SPRED1: variants seen among roughly 807,000 people sequenced by gnomAD.
SPRED1 encodes the protein sprouty related EVH1 domain containing 1.
SPRED1 carries 18 observed loss-of-function variants against 52.3 expected under a neutral mutation model. The observed-to-expected ratio is 0.34, with a 90% CI of 0.24 to 0.51. The LOEUF (loss-of-function observed/expected upper bound fraction) is 0.51. SPRED1 is among the 20% of genes least tolerant of loss of function. The pLI, the probability that SPRED1 is intolerant of heterozygous loss-of-function variation, is 0.97. For missense variants in SPRED1, 485 were observed against 551.0 expected (o/e 0.88, Z 1.20); for synonymous variants, 155 against 179.7 (o/e 0.86, Z 1.10).
Position 38,322,398 on chromosome 15 carries a change from A to G in SPRED1, c.365A>G (p.Asp122Gly). ...AGAGGTATCCGAAGAGCTATAGAGG[A>G]TATTTCTCAAGGTAGGTATTCTTGA... ...FDRGIRRAIE[D>G]ISQGCPESKN... is the part of the protein sequence containing the mutation. Residue 122 changes from aspartate to glycine, a missense_variant, in exon 3 of 7, where the codon GAT becomes GGT. Asp to Gly is a moderately conservative substitution (Grantham distance 94). This residue lies in a region of SPRED1 where 232 missense variants were observed against 231.8 expected (regional missense o/e 1.00). Coordinates refer to ENST00000299084, the MANE Select transcript of SPRED1 (RefSeq NM_152594.3). The G allele has an allele frequency of 1.2e-6, 2 of 1,613,688 alleles. No homozygotes were observed. The highest frequency in any genetic ancestry group is 1.1e-5 in the South Asian group (1 of 91,074).
At chr15:38,302,911 C>G (rs1023796389) in intron 2 of SPRED1, among the ~76,000 whole-genome samples, 2 of 152,214 alleles carry the variant, frequency 1.3e-5, no homozygotes, top group African/African-American at 4.8e-5. Context: ...TACCTGTAAT[C>G]TCAGCACTTT....
At chr15:38,313,612 CATTAT>C (rs978813440) in intron 2 of SPRED1, among the ~76,000 whole-genome samples, 105 of 151,282 alleles carry the variant, frequency 6.9e-4, no homozygotes, top group African/African-American at 2.4e-3. Flanking sequence ...TTATCCGTTA[CATTAT>C]ATTATATTAT....
chr15:38,290,206 T>C (rs1269261603), intron 1 of SPRED1, among the ~76,000 whole-genome samples: 1 of 152,238 alleles, frequency 6.6e-6, no homozygotes, highest in African/African-American at 2.4e-5. Context: ...ATACTTTTTA[T>C]AGTTCTCTTC....
intron 1 of SPRED1, among the ~76,000 whole-genome samples, chr15:38,278,495 A>G (rs1894608900): frequency 6.6e-6 from 1 of 152,212 alleles, no homozygotes; most frequent in Non-Finnish European, 1.5e-5. Context: ...CCTCCAAAAA[A>G]GAAAGAAATT....
chr15:38,311,079 G>T (rs1056657435), intron 2 of SPRED1, among the ~76,000 whole-genome samples: 2 of 152,094 alleles, frequency 1.3e-5, no homozygotes, highest in Non-Finnish European at 2.9e-5. Flanking sequence ...GTTGGCTGGG[G>T]TTTCTTGCAG....
chr15:38,290,975 A>T lies in SPRED1; in HGVS notation c.33-8398A>T, dbSNP rs557484662. ...CCCCAGAGTCTTAACGCGTTTTACC[A>T]TTAACCCAAAAGTCCAGAGTCCAAA... On this transcript the variant is annotated intron_variant, in intron 1 of 6. Coordinates refer to ENST00000299084, the MANE Select transcript of SPRED1 (RefSeq NM_152594.3). Among the ~76,000 whole-genome samples the T allele has an allele frequency of 8.5e-5, 13 of 152,272 alleles. 1 individual carries two copies. In the South Asian group the frequency reaches 2.7e-3, roughly 32 times the overall value.
At chr15:38,327,226 CTT>C (rs2140998434) in intron 4 of SPRED1, among the ~76,000 whole-genome samples, 1 of 152,236 alleles carries the variant, frequency 6.6e-6, no homozygotes, top group South Asian at 2.1e-4. Context: ...AAAGATGAGA[CTT>C]TTAGGGAGTC....
chr15:38,351,788 G>C lies in SPRED1; in HGVS notation c.*124G>C. The stretch of plus-strand genomic sequence containing the variant: ...GGTATCATTGAGCCCACACATGGAG[G>C]AAGCAGAACTCATCAGTTCTTGGCG... On this transcript the variant is annotated 3_prime_UTR_variant, in exon 7 of 7. Coordinates refer to ENST00000299084, the MANE Select transcript of SPRED1 (RefSeq NM_152594.3). The C allele has an allele frequency of 8.4e-7, 1 of 1,191,664 alleles. No individual in the cohort carries two copies. The highest frequency in any genetic ancestry group is 1.2e-6 in the Non-Finnish European group (1 of 837,362). The allele number at this position is 1,191,664 out of a possible 1,614,324, so 73.8% of individuals were successfully genotyped here.
intron 5 of SPRED1, 72 bp downstream of exon 5, chr15:38,339,967 C>T: frequency 3.2e-6 from 5 of 1,575,712 alleles, no homozygotes; most frequent in East Asian, 2.3e-5. Flanking sequence ...TAGATAAGGA[C>T]GTTAAAACCA....
intron 5 of SPRED1, among the ~76,000 whole-genome samples, chr15:38,345,409 A>G (rs1896114409): frequency 1.3e-5 from 2 of 152,208 alleles, no homozygotes; most frequent in African/African-American, 2.4e-5. Context: ...AATTGCATTC[A>G]ACTGGGGTAA....
intron 2 of SPRED1, among the ~76,000 whole-genome samples, chr15:38,319,597 T>G (rs1248740991): frequency 1.3e-5 from 2 of 152,154 alleles, no homozygotes; most frequent in Non-Finnish European, 2.9e-5. Flanking sequence ...AGGATGGTCT[T>G]GAACTCCTGA....
intron 1 of SPRED1, among the ~76,000 whole-genome samples, chr15:38,279,297 TA>T (rs1054889640): frequency 2.2e-4 from 34 of 152,242 alleles, no homozygotes; most frequent in African/African-American, 8.0e-4. Flanking sequence ...TGTTGTACTT[TA>T]AATATGGTTG....
chr15:38,351,371 G>A lies in SPRED1; in HGVS notation c.1042G>A (p.Val348Ile), dbSNP rs987528002. Residue 348 changes from valine to isoleucine, a missense_variant, in exon 7 of 7, where the codon GTT becomes ATT. Physicochemically the swap from Val to Ile is conservative, Grantham distance 29. This residue lies in a region of SPRED1 where 205 missense variants were observed against 245.2 expected (regional missense o/e 0.84). Transcript: ENST00000299084. ...GGAAAGGTTTAATCATGAAGAAAAT[G>A]TTAGGGGAAAATGTCAGGATGCTCC... is the stretch of plus-strand genomic sequence containing the variant. The part of the protein sequence containing the change: ...CQERFNHEEN[V>I]RGKCQDAPDP... 1.2e-6 allele frequency: 2 copies of A among 1,614,110 alleles called. No homozygotes were observed. Among genetic ancestry groups the A allele is most frequent in the East Asian group, 2.2e-5 (1 of 44,882 alleles).
rs1246021789 is a variant in SPRED1, at chr15:38,356,574, TTTAAAC to T, written c.*4912_*4917del. 5.3e-5 allele frequency: 8 copies of T among 152,114 alleles called. No homozygotes were observed. The highest frequency in any genetic ancestry group is 8.8e-5 in the Non-Finnish European group (6 of 67,950). 9.4% of individuals were successfully genotyped at this position (152,114 alleles called of 1,614,324 possible). On this transcript the variant is annotated 3_prime_UTR_variant, in exon 7 of 7. Transcript: ENST00000299084. ...TAGCTCTGTTCTTTAAAAGTATACT[TTTAAAC>T]TGAAAGTTCACATATAGTTCATCTT...
In SPRED1 at chr15:38,353,877, C is replaced by T. The variant is rs542935372; in HGVS notation, c.*2213C>T. The T allele has an allele frequency of 6.6e-6, 1 of 152,652 alleles. No individual in the cohort carries two copies. Among genetic ancestry groups the T allele is most frequent in the African/African-American group, 2.4e-5 (1 of 41,560 alleles). 9.5% of individuals were successfully genotyped at this position (152,652 alleles called of 1,614,324 possible). On this transcript the variant is annotated 3_prime_UTR_variant, in exon 7 of 7. Coordinates refer to ENST00000299084, the MANE Select transcript of SPRED1 (RefSeq NM_152594.3). ...TTAAGCACTAATCAGTATAGTGCAA[C>T]TCCTGGTTCTGTACTGTATTTTATA...
At chr15:38,310,229 C>T (rs182199526) in intron 2 of SPRED1, among the ~76,000 whole-genome samples, 1 of 151,886 alleles carries the variant, frequency 6.6e-6, no homozygotes, top group Admixed American at 6.6e-5. Context: ...CAACCTCTGC[C>T]TCCCAGGTTC....
chr15:38,301,223 G>A (rs925977678), intron 2 of SPRED1, among the ~76,000 whole-genome samples: 1 of 152,152 alleles, frequency 6.6e-6, no homozygotes, highest in Non-Finnish European at 1.5e-5. Context: ...TGTTCAGAGT[G>A]TGGCTTTAAC....
intron 1 of SPRED1, among the ~76,000 whole-genome samples, chr15:38,256,354 T>C (rs1894097159): frequency 6.6e-6 from 1 of 152,108 alleles, no homozygotes; most frequent in South Asian, 2.1e-4. Context: ...TATTTTACAT[T>C]ATTGAATTAG....
chr15:38,315,045 A>T (rs2140989488), intron 2 of SPRED1, among the ~76,000 whole-genome samples: 1 of 152,068 alleles, frequency 6.6e-6, no homozygotes, highest in Non-Finnish European at 1.5e-5. Context: ...TGATAACATA[A>T]TTCTATATAG....
Sources: gnomAD v4.1 joint callset for allele counts (sites outside exome capture counted in the v4.1 genomes callset) on GRCh38, gnomAD v4.1.1 for gene constraint, gnomAD v4.1.1 regional missense constraint, MANE v1.5 for transcripts, NCBI Gene and HGNC (gene_info 2026-07-23, HGNC 2026-07-21) for gene names.